Variants in ENOX1 observed in about 807,000 individuals in gnomAD.
ENOX1 encodes candidate growth-related and time keeping constitutive hydroquinone (NADH) oxidase.
A neutral mutation model predicts 82.5 loss-of-function variants in ENOX1; 42 were observed. The observed-to-expected ratio is 0.51, with a 90% CI of 0.40 to 0.66. The LOEUF (loss-of-function observed/expected upper bound fraction) is 0.66, where lower values mean the gene tolerates loss of function less well. ENOX1 is among the 30% of genes least tolerant of loss of function. The pLI, the probability that ENOX1 is intolerant of heterozygous loss-of-function variation, is 0.00. For synonymous variants in ENOX1, 271 were observed against 282.2 expected, an observed-to-expected ratio of 0.96 and a Z score of 0.40; for missense variants, 608 against 811.6, an observed-to-expected ratio of 0.75 and a Z score of 3.05.
intron 3 of ENOX1, among the ~76,000 whole-genome samples, chr13:43,474,313 C>A (rs572456521): frequency 6.6e-6 from 1 of 152,244 alleles, no homozygotes; most frequent in East Asian, 1.9e-4. Flanking sequence ...TGTGCTCTCT[C>A]CCTAGTTCAC....
chr13:43,560,474 A>T (rs2079620822), intron 2 of ENOX1, among the ~76,000 whole-genome samples: 1 of 151,960 alleles, frequency 6.6e-6, no homozygotes, highest in Admixed American at 6.6e-5. Context: ...ATACTCTCTT[A>T]TTTTAATTTT....
At chr13:43,277,611 G>A (rs2045129244) in intron 12 of ENOX1, among the ~76,000 whole-genome samples, 1 of 152,214 alleles carries the variant, frequency 6.6e-6, no homozygotes. Flanking sequence ...ATGAGCTGAA[G>A]GATGCACACT....
chr13:43,749,586 A>G (rs1477361084), intron 1 of ENOX1, among the ~76,000 whole-genome samples: 2 of 152,196 alleles, frequency 1.3e-5, no homozygotes, highest in East Asian at 3.9e-4. Context: ...CCAGCAGGGA[A>G]CCAGCTTTGC....
At chr13:43,630,860 T>TATATATACACAC (rs34023929) in intron 2 of ENOX1, among the ~76,000 whole-genome samples, 14,232 of 147,588 alleles carry the variant, frequency 0.096, 804 homozygotes, top group Non-Finnish European at 0.13. Context: ...TATATATATA[T>TATATATACACAC]ACACACACAC....
intron 3 of ENOX1, among the ~76,000 whole-genome samples, chr13:43,430,592 C>A (rs1184176911): frequency 6.6e-6 from 1 of 152,110 alleles, no homozygotes. Flanking sequence ...GTGACACATT[C>A]ACAAACCCTA....
intron 5 of ENOX1, among the ~76,000 whole-genome samples, chr13:43,375,292 C>T (rs1389906644): frequency 6.6e-6 from 1 of 152,070 alleles, no homozygotes; most frequent in Non-Finnish European, 1.5e-5. Context: ...GAGATAGTGT[C>T]TATGTATGTG....
chr13:43,435,432 A>C (rs1566212238), intron 3 of ENOX1, among the ~76,000 whole-genome samples: 1 of 152,164 alleles, frequency 6.6e-6, no homozygotes, highest in Non-Finnish European at 1.5e-5. Flanking sequence ...GGAAGCTGGT[A>C]CCTACTAGGA....
At chr13:43,660,064 A>G (rs1186983705) in intron 2 of ENOX1, among the ~76,000 whole-genome samples, 4 of 152,144 alleles carry the variant, frequency 2.6e-5, no homozygotes, top group Non-Finnish European at 5.9e-5. Context: ...TGAACTTTCA[A>G]CCAATACTTC....
intron 2 of ENOX1, chr13:43,546,378 G>A (rs1197085677): frequency 6.6e-6 from 1 of 152,394 alleles, no homozygotes; most frequent in Non-Finnish European, 1.5e-5. Flanking sequence ...CAGTGATGTG[G>A]AGGACAGTTT....
At chr13:43,756,976 A>ACAACAAC (rs769130265) in intron 1 of ENOX1, among the ~76,000 whole-genome samples, 8,822 of 149,152 alleles carry the variant, frequency 0.059, 416 homozygotes, top group African/African-American at 0.11. Flanking sequence ...CAACAACAAA[A>ACAACAAC]AAAAAAAAAA....
At chr13:43,219,846 G>A (rs1168786222) in intron 16 of ENOX1, among the ~76,000 whole-genome samples, 8 of 152,266 alleles carry the variant, frequency 5.3e-5, no homozygotes. Flanking sequence ...CTGGTGAAGA[G>A]GGGCTCCTGT....
chr13:43,643,424 A>G (rs2083747119), intron 2 of ENOX1, among the ~76,000 whole-genome samples: 1 of 152,164 alleles, frequency 6.6e-6, no homozygotes, highest in Admixed American at 6.5e-5. Flanking sequence ...TGAACCACCA[A>G]TTGAAACTAG....
intron 5 of ENOX1, among the ~76,000 whole-genome samples, chr13:43,410,848 T>A (rs901528434): frequency 1.3e-4 from 20 of 152,164 alleles, no homozygotes; most frequent in Non-Finnish European, 1.5e-5. Flanking sequence ...GGCCAAAAAG[T>A]GAATTTTTCT....
At chr13:43,449,947 T>C (rs988927174) in intron 3 of ENOX1, among the ~76,000 whole-genome samples, 15 of 152,230 alleles carry the variant, frequency 9.9e-5, no homozygotes, top group African/African-American at 3.1e-4. Flanking sequence ...CAGGTTTTCA[T>C]TTGTTTTTAA....
At chr13:43,359,800 T>C (rs765902364) in intron 7 of ENOX1, 51 bp downstream of exon 7, 10 of 1,540,192 alleles carry the variant, frequency 6.5e-6, no homozygotes, top group Non-Finnish European at 9.0e-6. Context: ...CATATTAACA[T>C]CACAAAACAT....
chr13:43,735,978 A>G (rs2089608698), intron 1 of ENOX1, among the ~76,000 whole-genome samples: 1 of 152,210 alleles, frequency 6.6e-6, no homozygotes, highest in East Asian at 1.9e-4. Flanking sequence ...TAAAGTGAGC[A>G]ACAGACAATG....
At chr13:43,593,573 A>C (rs563744061) in intron 2 of ENOX1, among the ~76,000 whole-genome samples, 1 of 151,920 alleles carries the variant, frequency 6.6e-6, no homozygotes, top group Admixed American at 6.6e-5. Context: ...GGAATTCGAA[A>C]CCATGGAGGT....
chr13:43,775,612 A>G (rs1287984536), intron 1 of ENOX1, among the ~76,000 whole-genome samples: 2 of 152,192 alleles, frequency 1.3e-5, no homozygotes, highest in Non-Finnish European at 2.9e-5. Flanking sequence ...AGTGCCCACG[A>G]TTGGGTGGTT....
chr13:43,460,767 C>T (rs570697176), intron 3 of ENOX1, among the ~76,000 whole-genome samples: 32 of 133,324 alleles, frequency 2.4e-4, no homozygotes, highest in Non-Finnish European at 4.3e-4. Context: ...GCACTCCAGC[C>T]CGGGCGACAG....
Sources: gnomAD v4.1 joint callset for allele counts (sites outside exome capture counted in the v4.1 genomes callset) on GRCh38, gnomAD v4.1.1 for gene constraint, MANE v1.5 for transcripts, NCBI Gene and HGNC (gene_info 2026-07-23, HGNC 2026-07-21) for gene names.